KHDC1: variants seen among roughly 807,000 people sequenced by gnomAD.
The protein encoded by KHDC1 is KH homology domain-containing protein 1.
KHDC1 carries 21 observed loss-of-function variants against 24.7 expected under a neutral mutation model. The ratio of observed to expected loss-of-function variants is 0.85; its 90% CI spans 0.60 to 1.23. The LOEUF (loss-of-function observed/expected upper bound fraction) is 1.23, where lower values mean the gene tolerates loss of function less well. KHDC1 is among the 50% of genes most tolerant of loss of function. The pLI, the probability that KHDC1 is intolerant of heterozygous loss-of-function variation, is 0.00. For missense variants in KHDC1, 274 were observed against 298.5 expected (o/e 0.92, Z 0.61); for synonymous variants, 98 against 111.7 (o/e 0.88, Z 0.77).
intron 2 of KHDC1, among the ~76,000 whole-genome samples, chr6:73,290,106 CAAA>C (rs140342387): frequency 2.4e-3 from 211 of 86,478 alleles, no homozygotes; most frequent in African/African-American, 0.01. Flanking sequence ...GACTCCGTCT[CAAA>C]AAAAAAAAAA....
chr6:73,293,622 A>G (rs1220260572), intron 1 of KHDC1, among the ~76,000 whole-genome samples: 1 of 151,600 alleles, frequency 6.6e-6, no homozygotes, highest in Admixed American at 6.6e-5. Context: ...TCTACAAAAA[A>G]TTAGCAAAGC....
chr6:73,266,518 C>G (rs184092161), intron 2 of KHDC1, among the ~76,000 whole-genome samples: 19 of 152,222 alleles, frequency 1.2e-4, no homozygotes, highest in African/African-American at 4.6e-4. Context: ...CAAGACCATT[C>G]GATGGAGGAG....
chr6:73,295,818 C>G (rs1196261428), intron 1 of KHDC1, among the ~76,000 whole-genome samples: 1 of 148,600 alleles, frequency 6.7e-6, no homozygotes, highest in Non-Finnish European at 1.5e-5. Context: ...TGCACTCCAG[C>G]CTGGGCAACA....
intron 2 of KHDC1, among the ~76,000 whole-genome samples, chr6:73,280,514 CTTTTTTTTT>C (rs55832102): frequency 5.1e-5 from 6 of 117,462 alleles, no homozygotes; most frequent in Non-Finnish European, 8.9e-5. Context: ...TCTTTAATTT[CTTTTTTTTT>C]TTTTTTTTTT....
intron 1 of KHDC1, chr6:73,292,964 G>A: frequency 4.4e-6 from 4 of 917,048 alleles, no homozygotes; most frequent in Non-Finnish European, 7.0e-6. Context: ...CTTCATATTT[G>A]AGACTTTCTG....
chr6:73,242,286 G>A (rs1280160819), intron 3 of KHDC1, 49 bp from the exon 3 acceptor site: 33 of 1,604,154 alleles, frequency 2.1e-5, no homozygotes, highest in African/African-American at 5.3e-5. Context: ...CCAGCCCTTA[G>A]GGAATGGGGA....
At chr6:73,256,145 C>T (rs1355878369) in intron 2 of KHDC1, among the ~76,000 whole-genome samples, 1 of 152,096 alleles carries the variant, frequency 6.6e-6, no homozygotes, top group South Asian at 2.1e-4. Context: ...TGCTTCACTC[C>T]TTTACAGGTC....
At chr6:73,249,315 T>C (rs1045202717) in intron 2 of KHDC1, among the ~76,000 whole-genome samples, 23 of 152,146 alleles carry the variant, frequency 1.5e-4, no homozygotes, top group Admixed American at 7.2e-4. Flanking sequence ...ATTGAAAAAG[T>C]ATCTCTGAAA....
intron 2 of KHDC1, among the ~76,000 whole-genome samples, chr6:73,257,157 G>A (rs1390886837): frequency 6.6e-6 from 1 of 152,186 alleles, no homozygotes; most frequent in Non-Finnish European, 1.5e-5. Flanking sequence ...GCTGGGCATG[G>A]TGGCATGCAC....
Position 73,262,676 on chromosome 6 carries a change from CCT to C in KHDC1, c.207-20148_207-20147del, listed in dbSNP as rs1041647046. The C allele has an allele frequency of 4.3e-6, 4 of 930,886 alleles. No individual in the cohort carries two copies. In the Admixed American group the frequency reaches 1.9e-4, roughly 43 times the overall value. 57.7% of individuals were successfully genotyped at this position (930,886 alleles called of 1,614,324 possible). On this transcript the variant is annotated intron_variant, in intron 2 of 4. Transcript: ENST00000370384. The stretch of plus-strand genomic sequence containing the variant: ...CTTTATACTGCTATCTCCTGTTTCC[CCT>C]GTTTTTACACTTCTTTGCAGCTCAC...
chr6:73,308,231 C>T (rs556167268), intron 1 of KHDC1, among the ~76,000 whole-genome samples: 2 of 152,042 alleles, frequency 1.3e-5, no homozygotes, highest in African/African-American at 4.8e-5. Flanking sequence ...CCTGCCACCA[C>T]GCCCGGCTAA....
intron 1 of KHDC1, among the ~76,000 whole-genome samples, chr6:73,297,645 C>T (rs1420731409): frequency 2.0e-5 from 3 of 152,072 alleles, no homozygotes; most frequent in African/African-American, 7.2e-5. Flanking sequence ...AACATTATAA[C>T]ACAAGAAGCA....
chr6:73,247,576 C>T (rs1766690138), intron 2 of KHDC1, among the ~76,000 whole-genome samples: 1 of 152,044 alleles, frequency 6.6e-6, no homozygotes, highest in Non-Finnish European at 1.5e-5. Flanking sequence ...AAGTGGACGG[C>T]CGGGCACTGT....
chr6:73,248,706 G>C (rs1465848327), intron 2 of KHDC1, among the ~76,000 whole-genome samples: 2 of 152,088 alleles, frequency 1.3e-5, no homozygotes, highest in Non-Finnish European at 2.9e-5. Flanking sequence ...TCTTCCACTT[G>C]ATTCTTTCGA....
intron 2 of KHDC1, chr6:73,263,116 G>C (rs1767015110): frequency 9.9e-7 from 1 of 1,006,812 alleles, no homozygotes; most frequent in Non-Finnish European, 1.2e-6. Context: ...GGAGACAGCG[G>C]TACCTCCTGG....
In KHDC1 at chr6:73,241,783, G is replaced by A. The variant is rs997375359; in HGVS notation, c.515-55C>T. ...CCAGGGCCCATAACTGGGGCCCATT[G>A]GCAGGCCTGGACTCCATCAGGGAGG... On this transcript the variant is annotated intron_variant, in intron 4 of 4. Coordinates refer to ENST00000370384, the Ensembl canonical transcript of KHDC1. 12 of 1,576,172 alleles carry A rather than the reference G, an allele frequency of 7.6e-6. 1 individual carries two copies. The highest frequency in any genetic ancestry group is 6.8e-5 in the East Asian group (3 of 44,420).
chr6:73,309,828 A>C (rs1259502532), exon 1 of KHDC1: 2 of 1,296,486 alleles, frequency 1.5e-6, no homozygotes, highest in Non-Finnish European at 2.1e-6. Flanking sequence ...GGAGAAGCGA[A>C]GTTCAGGACG....
intron 1 of KHDC1, among the ~76,000 whole-genome samples, chr6:73,295,096 T>C (rs752288672): frequency 6.6e-6 from 1 of 151,980 alleles, no homozygotes; most frequent in Non-Finnish European, 1.5e-5. Context: ...GATGTTGCCA[T>C]GAGCCAACAT....
At chr6:73,248,185 C>T (rs1263951365) in intron 2 of KHDC1, among the ~76,000 whole-genome samples, 1 of 152,166 alleles carries the variant, frequency 6.6e-6, no homozygotes, top group Non-Finnish European at 1.5e-5. Context: ...GGAGACAGAC[C>T]TGAGGAGGGA....
Sources: allele counts gnomAD v4.1 joint callset (sites outside exome capture counted in the v4.1 genomes callset), GRCh38; gene constraint gnomAD v4.1.1; transcripts MANE v1.5; gene names NCBI Gene and HGNC (gene_info 2026-07-23, HGNC 2026-07-21).